TBC1D4: variants seen among roughly 807,000 people sequenced by gnomAD.
The protein encoded by TBC1D4 is TBC1 domain family member 4, also known as TBC (Tre-2, BUB2, CDC16) domain-containing protein.
TBC1D4 carries 121 observed loss-of-function variants against 142.5 expected under a neutral mutation model. The ratio of observed to expected loss-of-function variants is 0.85; its 90% CI spans 0.73 to 0.99. TBC1D4 has a LOEUF of 0.99. TBC1D4 is among the 50% of genes least tolerant of loss of function. TBC1D4 has a pLI of 0.00. For synonymous variants in TBC1D4, 630 were observed against 628.2 expected (o/e 1.00, Z -0.04); for missense variants, 1,475 against 1,606.6 (o/e 0.92, Z 1.40).
chr13:75,312,745 T>C lies in TBC1D4; in HGVS notation c.2376A>G (p.Gln792=). 1.2e-6 allele frequency: 2 copies of C among 1,614,138 alleles called. No individual in the cohort carries two copies. The highest frequency in any genetic ancestry group is 1.7e-6 in the Non-Finnish European group (2 of 1,180,010). ...SPMNKSPSAM[Q]QQDGLDRNEL... Reference sequence around the variant, plus strand: ...AGGGAGTGCAACACAGACCTTGCTGTTGCATTGCTGAGGGAGATTTGTTCA... The same window carrying C: ...AGGGAGTGCAACACAGACCTTGCTGCTGCATTGCTGAGGGAGATTTGTTCA... The change falls in exon 13 of 21, where the codon CAA becomes CAG. Residue 792 remains glutamine, a synonymous_variant. Coordinates refer to ENST00000377636, the MANE Select transcript of TBC1D4 (RefSeq NM_014832.5).
Position 75,417,357 on chromosome 13 carries a change from G to A in TBC1D4, c.499-54750C>T, listed in dbSNP as rs541385170. Among the ~76,000 whole-genome samples, 9 of 152,276 alleles carry A rather than the reference G, an allele frequency of 5.9e-5. No individual in the cohort carries two copies. The East Asian group carries it at 7.7e-4, about 13-fold the overall frequency. On this transcript the variant is annotated intron_variant, in intron 1 of 20. Coordinates refer to ENST00000377636, the MANE Select transcript of TBC1D4 (RefSeq NM_014832.5). ...ACCTGTGTCCTGCACCACCTGCCCC[G>A]GGTAAGTGCTACCTGGGAGGAGTAA...
At chr13:75,374,187 C>A (rs920666079) in intron 1 of TBC1D4, among the ~76,000 whole-genome samples, 1 of 152,120 alleles carries the variant, frequency 6.6e-6, no homozygotes, top group Non-Finnish European at 1.5e-5. Flanking sequence ...CCAGGCCCTG[C>A]CCACTCTGAA....
At chr13:75,368,421 G>A (rs1293548989) in intron 1 of TBC1D4, among the ~76,000 whole-genome samples, 1 of 152,220 alleles carries the variant, frequency 6.6e-6, no homozygotes, top group African/African-American at 2.4e-5. Context: ...TATGAGCCAA[G>A]ACAGTTTCCT....
At chr13:75,349,411 G>C (rs560750072) in intron 4 of TBC1D4, 109 bp from the exon 5 acceptor site, 5 of 1,409,666 alleles carry the variant, frequency 3.5e-6, no homozygotes, top group Non-Finnish European at 4.9e-6. Flanking sequence ...AAAAATAATA[G>C]AATTTTGATG....
intron 1 of TBC1D4, among the ~76,000 whole-genome samples, chr13:75,475,749 C>T (rs1001908687): frequency 1.3e-5 from 2 of 152,182 alleles, no homozygotes; most frequent in African/African-American, 4.8e-5. Flanking sequence ...GGTGTTATTT[C>T]TCAGGCTGTA....
At chr13:75,338,743 C>A (rs1455684552) in intron 7 of TBC1D4, among the ~76,000 whole-genome samples, 1 of 152,178 alleles carries the variant, frequency 6.6e-6, no homozygotes, top group Non-Finnish European at 1.5e-5. Flanking sequence ...GCACCAAATC[C>A]ATTTTTCTAA....
intron 1 of TBC1D4, among the ~76,000 whole-genome samples, chr13:75,407,969 A>C (rs1885421545): frequency 6.6e-6 from 1 of 152,218 alleles, no homozygotes; most frequent in Admixed American, 6.5e-5. Context: ...AGCTTTATTA[A>C]TATATAATTT....
rs1883718060 is a variant in TBC1D4, at chr13:75,379,885, C to CTTTTTTTT, written c.499-17279_499-17278insAAAAAAAA. On this transcript the variant is annotated intron_variant, in intron 1 of 20. Transcript: ENST00000377636. ...AAGTATATCAGTTTTGTTCATCTGA[C>CTTTTTTTT]TCTTTTTTTTTTTTTTTTTTTTTTT... is the stretch of plus-strand genomic sequence containing the variant. 5.1e-5 allele frequency among the ~76,000 whole-genome samples: 5 copies of CTTTTTTTT among 98,536 alleles called. 2 individuals carry two copies. Among genetic ancestry groups the CTTTTTTTT allele is most frequent in the African/African-American group, 7.2e-5 (2 of 27,814 alleles). The allele number at this position is 98,536 out of a possible 152,430, so 64.6% of individuals were successfully genotyped here.
At chr13:75,427,612 G>C (rs1293242172) in intron 1 of TBC1D4, among the ~76,000 whole-genome samples, 1 of 152,222 alleles carries the variant, frequency 6.6e-6, no homozygotes, top group Non-Finnish European at 1.5e-5. Flanking sequence ...GCTCCAGCTT[G>C]AAGCTTGAAG....
chr13:75,313,782 C>A (rs1410806957), intron 12 of TBC1D4, among the ~76,000 whole-genome samples: 1 of 152,178 alleles, frequency 6.6e-6, no homozygotes, highest in Non-Finnish European at 1.5e-5. Context: ...TGTCTCAGCT[C>A]CCAAAGTGCT....
At chr13:75,359,879 A>G (rs1187166901) in intron 2 of TBC1D4, 21 bp from the exon 3 acceptor site, 15 of 1,564,872 alleles carry the variant, frequency 9.6e-6, no homozygotes, top group Non-Finnish European at 1.3e-5. Context: ...AAAGCATTCC[A>G]ATTAATTTCA....
chr13:75,477,817 C>A (rs180854769), intron 1 of TBC1D4, among the ~76,000 whole-genome samples: 24 of 152,216 alleles, frequency 1.6e-4, no homozygotes, highest in Admixed American at 1.4e-3. Flanking sequence ...GGGATTAAGC[C>A]CTTTTCCCAG....
At chr13:75,405,172 C>T (rs928876223) in intron 1 of TBC1D4, among the ~76,000 whole-genome samples, 14 of 149,814 alleles carry the variant, frequency 9.3e-5, no homozygotes, top group Admixed American at 4.6e-4. Flanking sequence ...CAAACCATGT[C>T]GCAGAATAGT....
intron 1 of TBC1D4, among the ~76,000 whole-genome samples, chr13:75,378,154 T>C (rs1229956851): frequency 6.6e-6 from 1 of 152,158 alleles, no homozygotes; most frequent in Non-Finnish European, 1.5e-5. Context: ...TTTCCACACA[T>C]ACCAGCTTAT....
intron 8 of TBC1D4, among the ~76,000 whole-genome samples, chr13:75,328,122 C>G (rs576969488): frequency 5.0e-4 from 76 of 152,098 alleles, no homozygotes; most frequent in Non-Finnish European, 9.6e-4. Context: ...GTGAGGGCCC[C>G]AATTAACTCT....
chr13:75,340,150 C>T (rs1272243559), intron 7 of TBC1D4, among the ~76,000 whole-genome samples: 2 of 152,090 alleles, frequency 1.3e-5, no homozygotes, highest in African/African-American at 4.8e-5. Context: ...TTTTTTGTCA[C>T]CTTTTTCCAT....
chr13:75,287,132 TGAAGCA>T, intron 20 of TBC1D4, 107 bp from the exon 21 acceptor site: 1 of 945,972 alleles, frequency 1.1e-6, no homozygotes. Context: ...AAATATTATG[TGAAGCA>T]AATACTCTGA....
At chr13:75,342,044 A>G (rs1027125924) in intron 5 of TBC1D4, among the ~76,000 whole-genome samples, 17 of 152,138 alleles carry the variant, frequency 1.1e-4, no homozygotes, top group Admixed American at 9.8e-4. Flanking sequence ...CTAAAAATAC[A>G]AAAATTAGCC....
At chr13:75,387,300 T>C (rs1884235877) in intron 1 of TBC1D4, among the ~76,000 whole-genome samples, 1 of 152,130 alleles carries the variant, frequency 6.6e-6, no homozygotes, top group African/African-American at 2.4e-5. Flanking sequence ...AAAGGGCAAA[T>C]TTTCAGAGCT....
Sources: allele counts gnomAD v4.1 joint callset (sites outside exome capture counted in the v4.1 genomes callset), GRCh38; gene constraint gnomAD v4.1.1; transcripts MANE v1.5; gene names NCBI Gene and HGNC (gene_info 2026-07-23, HGNC 2026-07-21).